The following CACNA2D3 variants were observed in gnomAD, a reference collection of about 807,000 sequenced individuals.
CACNA2D3 encodes calcium voltage-gated channel auxiliary subunit alpha2delta 3.
A neutral mutation model predicts 160.6 loss-of-function variants in CACNA2D3; 60 were observed. That is an observed-to-expected ratio of 0.37 (90% CI 0.30 to 0.46). The LOEUF is 0.46. CACNA2D3 is among the 20% of genes least tolerant of loss of function. The pLI is 1.00. For synonymous variants in CACNA2D3, 558 were observed against 492.9 expected (o/e 1.13, Z -1.75); for missense variants, 1,205 against 1,365.0 (o/e 0.88, Z 1.85).
At chr3:54,985,928 A>G (rs1312051638) in intron 30 of CACNA2D3, among the ~76,000 whole-genome samples, 3 of 152,162 alleles carry the variant, frequency 2.0e-5, no homozygotes, top group African/African-American at 7.2e-5. Context: ...ACATCACTAG[A>G]CATGGGACAG....
At chr3:54,383,130 C>T (rs1699131097) in intron 3 of CACNA2D3, among the ~76,000 whole-genome samples, 1 of 152,126 alleles carries the variant, frequency 6.6e-6, no homozygotes, top group African/African-American at 2.4e-5. Context: ...TTATACCACA[C>T]CCAGCCTGTT....
At chr3:54,162,991 T>C (rs945275572) in intron 2 of CACNA2D3, among the ~76,000 whole-genome samples, 1 of 152,174 alleles carries the variant, frequency 6.6e-6, no homozygotes, top group African/African-American at 2.4e-5. Context: ...ATTGGTTACA[T>C]TCTAGGCAAA....
intron 4 of CACNA2D3, among the ~76,000 whole-genome samples, chr3:54,402,972 G>A (rs1316659472): frequency 6.6e-6 from 1 of 152,134 alleles, no homozygotes; most frequent in Non-Finnish European, 1.5e-5. Context: ...TCAACAATAG[G>A]AAGATTTTTG....
chr3:54,984,208 G>A lies in CACNA2D3; in HGVS notation c.2557-400G>A, dbSNP rs576681120. On this transcript the variant is annotated intron_variant, in intron 29 of 37. Coordinates refer to ENST00000474759, the MANE Select transcript of CACNA2D3 (RefSeq NM_018398.3). ...ATTAGAGTAATGACATTGTGCTGGC[G>A]TTTTGCTTTCAAAACAGCCTGCACT... Among the ~76,000 whole-genome samples, 507 of 152,010 alleles carry A rather than the reference G, an allele frequency of 3.3e-3. 1 individual carries two copies. The highest frequency in any genetic ancestry group is 0.012 in the African/African-American group (480 of 41,436).
chr3:54,790,789 T>A (rs1054878619), intron 13 of CACNA2D3, among the ~76,000 whole-genome samples: 3 of 152,188 alleles, frequency 2.0e-5, no homozygotes, highest in South Asian at 2.1e-4. Context: ...GCTGTCACTG[T>A]GTGCCCTCCT....
At chr3:54,841,659 TTC>T (rs1322022280) in intron 16 of CACNA2D3, among the ~76,000 whole-genome samples, 1 of 152,064 alleles carries the variant, frequency 6.6e-6, no homozygotes, top group Admixed American at 6.5e-5. Context: ...ATAGAATTCT[TTC>T]TTTCTCCCTT....
intron 2 of CACNA2D3, among the ~76,000 whole-genome samples, chr3:54,269,429 T>A (rs182795523): frequency 6.6e-6 from 1 of 152,250 alleles, no homozygotes; most frequent in African/African-American, 2.4e-5. Context: ...TAATGAAGAA[T>A]AAGATAAAGA....
intron 4 of CACNA2D3, among the ~76,000 whole-genome samples, chr3:54,488,607 G>A (rs536978891): frequency 5.3e-5 from 8 of 152,152 alleles, no homozygotes; most frequent in East Asian, 1.9e-4. Context: ...AGCTCCTGCC[G>A]TGTCCTCAGG....
intron 4 of CACNA2D3, among the ~76,000 whole-genome samples, chr3:54,430,779 T>A (rs1000837066): frequency 6.6e-6 from 1 of 152,182 alleles, no homozygotes; most frequent in African/African-American, 2.4e-5. Context: ...TTAAGGAAAT[T>A]TGCTTGACAA....
chr3:54,143,057 G>C (rs1452012301), intron 2 of CACNA2D3, among the ~76,000 whole-genome samples: 1 of 152,180 alleles, frequency 6.6e-6, no homozygotes, highest in African/African-American at 2.4e-5. Flanking sequence ...AGGTTTCTTT[G>C]CTCCAGAATT....
chr3:54,635,783 A>AAAAT (rs1373070524), intron 10 of CACNA2D3, among the ~76,000 whole-genome samples: 1 of 151,766 alleles, frequency 6.6e-6, no homozygotes, highest in Non-Finnish European at 1.5e-5. Flanking sequence ...GAGCCTGAAA[A>AAAAT]ACTGCTTGGC....
At chr3:54,147,878 C>T (rs986959227) in intron 2 of CACNA2D3, among the ~76,000 whole-genome samples, 2 of 152,234 alleles carry the variant, frequency 1.3e-5, no homozygotes, top group African/African-American at 4.8e-5. Context: ...ACCATCTCGG[C>T]TCACCACAAC....
chr3:55,074,065 G>C (rs1559480508), intron 37 of CACNA2D3, 49 bp from the exon 38 acceptor site: 1 of 1,470,100 alleles, frequency 6.8e-7, no homozygotes, highest in Non-Finnish European at 9.5e-7. Flanking sequence ...AAAGTTGAAG[G>C]TGTCCTGGAG....
chr3:54,810,798 A>G (rs562285814), intron 13 of CACNA2D3, among the ~76,000 whole-genome samples: 32 of 152,350 alleles, frequency 2.1e-4, no homozygotes, highest in East Asian at 5.8e-4. Flanking sequence ...TGTCCCTTCA[A>G]TCACCCCCAT....
At chr3:54,892,387 T>C (rs574083241) in intron 25 of CACNA2D3, among the ~76,000 whole-genome samples, 49 of 152,060 alleles carry the variant, frequency 3.2e-4, no homozygotes, top group Non-Finnish European at 5.6e-4. Flanking sequence ...GGTGCTTCCT[T>C]GGAGCTTGAC....
intron 35 of CACNA2D3, among the ~76,000 whole-genome samples, chr3:55,062,031 C>T (rs1704522804): frequency 6.6e-6 from 1 of 152,232 alleles, no homozygotes; most frequent in Admixed American, 6.5e-5. Context: ...AACAAAAATT[C>T]TGGGCTGCTT....
chr3:54,930,189 G>T (rs1479852972), intron 27 of CACNA2D3, among the ~76,000 whole-genome samples: 1 of 152,210 alleles, frequency 6.6e-6, no homozygotes, highest in East Asian at 1.9e-4. Flanking sequence ...GCAAACTCTG[G>T]TTATCCCATC....
chr3:54,678,810 T>C (rs1402420175), intron 11 of CACNA2D3, among the ~76,000 whole-genome samples: 2 of 151,754 alleles, frequency 1.3e-5, no homozygotes, highest in African/African-American at 4.8e-5. Flanking sequence ...TTTGCTTTTT[T>C]CTCAGGTTTA....
chr3:54,985,369 A>G (rs1702592316), intron 30 of CACNA2D3, among the ~76,000 whole-genome samples: 1 of 152,262 alleles, frequency 6.6e-6, no homozygotes, highest in Non-Finnish European at 1.5e-5. Context: ...GAGTTTTTCC[A>G]TTCAAATTTT....
Sources: gnomAD v4.1 joint callset for allele counts (sites outside exome capture counted in the v4.1 genomes callset) on GRCh38, gnomAD v4.1.1 for gene constraint, MANE v1.5 for transcripts, NCBI Gene and HGNC (gene_info 2026-07-23, HGNC 2026-07-21) for gene names.